Variants in DNAJC5G observed in about 807,000 individuals in gnomAD.
The protein encoded by DNAJC5G is dnaJ homolog subfamily C member 5G.
Under a neutral mutation model 19.1 loss-of-function variants are expected in DNAJC5G, and 13 were observed. That is an observed-to-expected ratio of 0.68 (90% CI 0.44 to 1.08). The LOEUF (loss-of-function observed/expected upper bound fraction) is 1.08, where lower values mean the gene tolerates loss of function less well. DNAJC5G is among the 50% of genes least tolerant of loss of function. DNAJC5G has a pLI of 0.00. For missense variants in DNAJC5G, 245 were observed against 230.4 expected (o/e 1.06, Z -0.41); for synonymous variants, 81 against 84.4 (o/e 0.96, Z 0.22).
At chr2:27,277,287 C>T (rs1291545309) in intron 3 of DNAJC5G, among the ~76,000 whole-genome samples, 1 of 142,420 alleles carries the variant, frequency 7.0e-6, no homozygotes, top group African/African-American at 3.0e-5. Flanking sequence ...TGTTTTGAGA[C>T]AGTCTCGCTC....
Position 27,277,957 on chromosome 2 carries a change from A to C in DNAJC5G, c.317A>C (p.Asp106Ala), listed in dbSNP as rs143064063. ...QHGSLGIYLY[D>A]HFGEEGVRYY... is the part of the protein sequence containing the mutation. ...GGCTCATTGGGAATATATCTGTATG[A>C]TCACTTTGGTGAAGAAGGCGTCAGA... The change falls in exon 4 of 7, where the codon GAT (aspartate) becomes GCT (alanine). Residue 106 changes from aspartate (D) to alanine (A), a missense_variant. Coordinates refer to ENST00000296097, the MANE Select transcript of DNAJC5G (RefSeq NM_173650.3). 140 of 1,614,108 alleles carry C rather than the reference A, an allele frequency of 8.7e-5. No homozygotes were observed. The highest frequency in any genetic ancestry group is 1.1e-4 in the Non-Finnish European group (132 of 1,180,050).
At chr2:27,278,652 C>G (rs532938487) in intron 5 of DNAJC5G, among the ~76,000 whole-genome samples, 1 of 138,220 alleles carries the variant, frequency 7.2e-6, no homozygotes, top group African/African-American at 2.7e-5. Context: ...CCACTGCACT[C>G]CAGCCTGGGA....
rs1678319030 is a variant in DNAJC5G at position 27,280,414 on chromosome 2, T to C, written c.*19-15T>C. On this transcript the variant is annotated splice_polypyrimidine_tract_variant and intron_variant, in intron 6 of 6. Transcript: ENST00000296097. ...TCCTTCTGATTAATAAAGCGCCACC[T>C]TCTTCCGCCACTAGGTGCTGACCCA... 1 of 569,920 alleles carries C rather than the reference T, an allele frequency of 1.8e-6. No individual in the cohort carries two copies. Among genetic ancestry groups the C allele is most frequent in the Admixed American group, 3.1e-5 (1 of 32,548 alleles). 35.3% of individuals were successfully genotyped at this position (569,920 alleles called of 1,614,324 possible). A position where few individuals can be genotyped will look rare whatever the true frequency, so the allele number is the denominator to read the frequency against.
intron 5 of DNAJC5G, among the ~76,000 whole-genome samples, chr2:27,278,947 G>A (rs550949137): frequency 6.7e-6 from 1 of 149,310 alleles, no homozygotes; most frequent in Non-Finnish European, 1.5e-5. Context: ...GGAAGTTTCC[G>A]TGAGCCAAGA....
Position 27,277,504 on chromosome 2 carries a change from C to T in DNAJC5G, c.114-250C>T, listed in dbSNP as rs182919709. Among the ~76,000 whole-genome samples, 40 of 151,622 alleles carry T rather than the reference C, an allele frequency of 2.6e-4. No individual in the cohort carries two copies. In the East Asian group the frequency reaches 4.9e-3, roughly 18 times the overall value. Reference sequence around the variant, plus strand: ...GTCTCAAACTCCTGACCTCATGATCCGCCCACCTTGGCCTCCCAAAGCGCT... The same window carrying T: ...GTCTCAAACTCCTGACCTCATGATCTGCCCACCTTGGCCTCCCAAAGCGCT... On this transcript the variant is annotated intron_variant, in intron 3 of 6. Coordinates refer to ENST00000296097, the MANE Select transcript of DNAJC5G (RefSeq NM_173650.3).
At position 27,278,290 on chromosome 2, in the gene DNAJC5G, A is replaced by T. The variant is rs781751967; in HGVS notation, c.478A>T (p.Arg160Ter). The T allele has an allele frequency of 1.2e-6, 2 of 1,614,072 alleles. No individual in the cohort carries two copies. The highest frequency in any genetic ancestry group is 2.7e-5 in the African/African-American group (2 of 74,924). Residue 160 changes from arginine (R) to a stop codon, truncating the protein, a stop_gained, in exon 5 of 7, where the codon AGA (arginine) becomes TGA (stop). Transcript: ENST00000296097. LOFTEE classifies it high-confidence loss of function. ...LKPPPEQDSG[R>*]KYQQNVQSQP... ...ACCACCACCTGAGCAGGATAGTGGGAGAAAATATCAGCAGAATGTCCAGAG... is the reference window on the plus strand; with the variant it reads ...ACCACCACCTGAGCAGGATAGTGGGTGAAAATATCAGCAGAATGTCCAGAG...
chr2:27,276,889 C>T, intron 3 of DNAJC5G, 48 bp downstream of exon 3: 2 of 1,425,910 alleles, frequency 1.4e-6, no homozygotes, highest in Non-Finnish European at 1.9e-6. Context: ...CCCCTTAAAC[C>T]TTTTTCTTTC....
In DNAJC5G at chr2:27,277,682, C is replaced by A. The variant is rs965846917; in HGVS notation, c.114-72C>A. 4 of 1,572,400 alleles carry A rather than the reference C, an allele frequency of 2.5e-6. No homozygotes were observed. The Admixed American group carries it at 5.1e-5, about 20-fold the overall frequency. Reference sequence around the variant, plus strand: ...GGATGCTTGCCTCCATCCTTTGTACCACATCTCATGCATTCCTTCTGCACT... The same window carrying A: ...GGATGCTTGCCTCCATCCTTTGTACAACATCTCATGCATTCCTTCTGCACT... On this transcript the variant is annotated intron_variant, in intron 3 of 6. Transcript: ENST00000296097.
At chr2:27,278,704 A>AG (rs1476223840) in intron 5 of DNAJC5G, among the ~76,000 whole-genome samples, 9 of 145,248 alleles carry the variant, frequency 6.2e-5, no homozygotes, top group Admixed American at 2.8e-4. Flanking sequence ...AAAAAAAAAA[A>AG]AAAAGAAAAG....
In DNAJC5G at chr2:27,275,606, A is replaced by C. The variant is rs1677989659; in HGVS notation, c.-286+53A>C. 3.2e-5 allele frequency: 8 copies of C among 249,814 alleles called. 1 individual carries two copies. In the South Asian group the frequency reaches 3.2e-4, roughly 10 times the overall value. The allele number at this position is 249,814 out of a possible 1,614,324, so 15.5% of individuals were successfully genotyped here. On this transcript the variant is annotated intron_variant, in intron 1 of 6. Transcript: ENST00000296097. Reference sequence around the variant, plus strand: ...CGGCACAGGGCCAGAGGTGCCCTGCACACTCAGAGCTCTCCCTTTGAGCTC... The same window carrying C: ...CGGCACAGGGCCAGAGGTGCCCTGCCCACTCAGAGCTCTCCCTTTGAGCTC...
chr2:27,278,380 G>T, intron 5 of DNAJC5G, 48 bp downstream of exon 5: 1 of 1,607,400 alleles, frequency 6.2e-7, no homozygotes, highest in Non-Finnish European at 8.5e-7. Flanking sequence ...TCTGGATTGG[G>T]AATGAAAGAA....
chr2:27,275,860 C>CCCCCCGCCCCCG (rs1290182104), intron 1 of DNAJC5G: 1 of 140,328 alleles, frequency 7.1e-6, no homozygotes, highest in Non-Finnish European at 1.5e-5. Context: ...GCTGCAAGCA[C>CCCCCCGCCCCCG]TCCCCACCCC....
intron 3 of DNAJC5G, among the ~76,000 whole-genome samples, chr2:27,277,406 G>C (rs1678148742): frequency 6.6e-6 from 1 of 151,848 alleles, no homozygotes; most frequent in Non-Finnish European, 1.5e-5. Context: ...GGGATTACAG[G>C]TGCCTGCCAC....
chr2:27,279,748 C>CA (rs936898268), intron 5 of DNAJC5G, among the ~76,000 whole-genome samples: 4,895 of 68,792 alleles, frequency 0.071, 100 homozygotes, highest in South Asian at 0.13. Flanking sequence ...CCAGTATCTA[C>CA]AAAAAAAAAA....
intron 3 of DNAJC5G, among the ~76,000 whole-genome samples, chr2:27,277,293 C>T (rs985939441): frequency 1.3e-5 from 2 of 149,206 alleles, no homozygotes; most frequent in Admixed American, 1.3e-4. Context: ...GAGACAGTCT[C>T]GCTCTGTTGC....
chr2:27,276,651 C>T, intron 2 of DNAJC5G, 75 bp from the exon 3 acceptor site: 6 of 1,345,918 alleles, frequency 4.5e-6, no homozygotes, highest in Non-Finnish European at 5.2e-6. Context: ...AGTGAGTTTC[C>T]TGTCACTGGA....
In DNAJC5G at chr2:27,276,314, C is replaced by G. The variant is rs1381208019; in HGVS notation, c.-77C>G. 6.4e-6 allele frequency: 1 copy of G among 155,060 alleles called. No individual in the cohort carries two copies. The highest frequency in any genetic ancestry group is 1.4e-5 in the Non-Finnish European group (1 of 70,122). 9.6% of individuals were successfully genotyped at this position (155,060 alleles called of 1,614,324 possible). A position where few individuals can be genotyped will look rare whatever the true frequency, so the allele number is the denominator to read the frequency against. Reference sequence around the variant, plus strand: ...GAGCTGTCTGATTCCTGATCCTGTCCGTTCAGGCTGGGGCCGCCCTGGTCT... The same window carrying G: ...GAGCTGTCTGATTCCTGATCCTGTCGGTTCAGGCTGGGGCCGCCCTGGTCT... On this transcript the variant is annotated 5_prime_UTR_variant, in exon 2 of 7. Transcript: ENST00000296097.
intron 2 of DNAJC5G, 98 bp from the exon 3 acceptor site, chr2:27,276,628 A>T: frequency 1.0e-6 from 1 of 995,420 alleles, no homozygotes; most frequent in East Asian, 2.5e-5. Context: ...TTACCTGCCT[A>T]ATCCCTGAAG....
rs1386137439 is a variant in DNAJC5G at position 27,278,190 on chromosome 2, A to T, written c.378A>T (p.Thr126=). 1.2e-6 allele frequency: 2 copies of T among 1,614,074 alleles called. No individual in the cohort carries two copies. Among genetic ancestry groups the T allele is most frequent in the South Asian group, 1.1e-5 (1 of 91,068 alleles). Residue 126 remains threonine, a splice_region_variant and synonymous_variant, in exon 5 of 7, where the codon ACA becomes ACT. Transcript: ENST00000296097. The part of the protein sequence containing the change: ...YFILNSCWFK[T]LVILCTLLTC... ...GGCCATTCTCGCCTACCTTTTAGAC[A>T]CTTGTCATCCTGTGTACTCTGCTCA...
Sources: gnomAD v4.1 joint callset for allele counts (sites outside exome capture counted in the v4.1 genomes callset) on GRCh38, gnomAD v4.1.1 for gene constraint, MANE v1.5 for transcripts, NCBI Gene and HGNC (gene_info 2026-07-23, HGNC 2026-07-21) for gene names.